The following PARP2 variants were observed in gnomAD, a reference collection of about 807,000 sequenced individuals.
The protein encoded by PARP2 is poly [ADP-ribose] polymerase 2.
In PARP2, 57 loss-of-function variants were observed where a neutral mutation model predicts 77.8. The observed-to-expected ratio is 0.73, with a 90% confidence interval of 0.59 to 0.91. The LOEUF is 0.91. Among genes scored for constraint, PARP2 ranks in the 40% least tolerant of loss-of-function variants. The pLI, the probability that PARP2 is intolerant of heterozygous loss-of-function variation, is 0.00. For synonymous variants in PARP2, 226 were observed against 242.6 expected (o/e 0.93, Z 0.64); for missense variants, 651 against 689.0 (o/e 0.94, Z 0.62).
intron 5 of PARP2, chr14:20,350,827 C>G: frequency 1.7e-6 from 1 of 604,458 alleles, no homozygotes; most frequent in Non-Finnish European, 3.0e-6. Flanking sequence ...CTAAGAGCAG[C>G]CCATTGAGTC....
rs768264959 is a variant in PARP2, at chr14:20,357,082, CT to C, written c.1363del (p.Ser455ProfsTer12). Reference protein sequence around the residue: ...FGKGIYFADMSSKSANYCFAS... With the variant: ...FGKGIYFADMXSKSANYCFAS... ...AAAGGAATCTACTTTGCTGACATGTCTTCCAAGAGTGCCAATTACTGCTTTG... is the reference window on the plus strand; with the variant it reads ...AAAGGAATCTACTTTGCTGACATGTCTCCAAGAGTGCCAATTACTGCTTTG... On this transcript the variant is annotated frameshift_variant, in exon 14 of 16. Transcript: ENST00000429687. LOFTEE classifies it high-confidence loss of function. The C allele has an allele frequency of 1.2e-6, 2 of 1,612,712 alleles. No individual in the cohort carries two copies. Among genetic ancestry groups the C allele is most frequent in the Non-Finnish European group, 1.7e-6 (2 of 1,178,684 alleles).
intron 9 of PARP2, 49 bp downstream of exon 9, chr14:20,354,996 C>T: frequency 1.3e-6 from 2 of 1,495,288 alleles, no homozygotes; most frequent in Non-Finnish European, 1.8e-6. Context: ...TATACATATC[C>T]CCTGTATCCA....
chr14:20,354,377 G>T, intron 8 of PARP2, 130 bp downstream of exon 8: 1 of 765,852 alleles, frequency 1.3e-6, no homozygotes, highest in Admixed American at 2.7e-5. Flanking sequence ...TGGGGTGACA[G>T]GTTGTATGGA....
At chr14:20,350,504 T>C (rs373434682) in intron 4 of PARP2, 22 bp from the exon 5 acceptor site, 540 of 1,382,160 alleles carry the variant, frequency 3.9e-4, no homozygotes, top group Non-Finnish European at 5.1e-4. Flanking sequence ...CTTTTTTTTG[T>C]TTTTGTTTTC....
Position 20,347,354 on chromosome 14 carries a change from GTGTATATATATATATATATATATA to G in PARP2, c.324+443_324+466del, listed in dbSNP as rs1368351685. Among the ~76,000 whole-genome samples the G allele has an allele frequency of 2.7e-3, 119 of 43,948 alleles. 2 individuals carry two copies. Among genetic ancestry groups the G allele is most frequent in the South Asian group, 4.3e-3 (5 of 1,170 alleles). 28.8% of individuals were successfully genotyped at this position (43,948 alleles called of 152,430 possible). A position where few individuals can be genotyped will look rare whatever the true frequency, so the allele number is the denominator to read the frequency against. On this transcript the variant is annotated intron_variant, in intron 4 of 15. Coordinates refer to ENST00000429687, the MANE Select transcript of PARP2 (RefSeq NM_001042618.2). ...TGCCTAAAGTCCTTCATATGTGTGTGTGTATATATATATATATATATATATATATATATATATATATATATTTTT... is the reference window on the plus strand; with the variant it reads ...TGCCTAAAGTCCTTCATATGTGTGTGTATATATATATATATATATATTTTT...
chr14:20,345,861 CAG>C (rs892613424), intron 3 of PARP2, among the ~76,000 whole-genome samples: 7 of 151,366 alleles, frequency 4.6e-5, no homozygotes, highest in Non-Finnish European at 8.8e-5. Context: ...GAGAGAGAGA[CAG>C]AGAGAAAGGG....
intron 11 of PARP2, 59 bp downstream of exon 11, chr14:20,356,090 C>CA: frequency 4.5e-6 from 7 of 1,572,380 alleles, no homozygotes; most frequent in Non-Finnish European, 6.1e-6. Flanking sequence ...TCCCCCATCC[C>CA]ACTGTTCTCT....
chr14:20,352,404 TA>T (rs1883990287), intron 7 of PARP2, 57 bp downstream of exon 7: 1 of 1,141,070 alleles, frequency 8.8e-7, no homozygotes, highest in Non-Finnish European at 1.3e-6. Flanking sequence ...TTTTATTTTT[TA>T]GAGGCAAAAC....
chr14:20,350,443 C>G (rs3093902), intron 4 of PARP2, 83 bp from the exon 5 acceptor site: 158,173 of 664,962 alleles, frequency 0.24, 20,395 homozygotes, highest in South Asian at 0.34. Flanking sequence ...TAACTGGCAC[C>G]TGTGACGAAG....
intron 9 of PARP2, 197 bp downstream of exon 9, chr14:20,355,144 C>T: frequency 2.0e-6 from 1 of 488,142 alleles, no homozygotes; most frequent in South Asian, 3.6e-5. Flanking sequence ...GGCTTGACCA[C>T]AGCCATATTC....
At position 20,355,941 on chromosome 14, in the gene PARP2, G is replaced by A. The variant is rs1884130382; in HGVS notation, c.1011G>A (p.Glu337=). The A allele has an allele frequency of 6.2e-7, 1 of 1,614,132 alleles. No individual in the cohort carries two copies. The highest frequency in any genetic ancestry group is 1.3e-5 in the African/African-American group (1 of 75,036). ...TTGCTATTAAGCTGGTGAAAACAGA[G>A]CTACAAAGCCCAGAACACCCATTGG... is the stretch of plus-strand genomic sequence containing the variant. ...IEIAIKLVKT[E]LQSPEHPLDQ... The change falls in exon 11 of 16, where the codon GAG becomes GAA. Residue 337 remains glutamate (E), a synonymous_variant. Transcript: ENST00000429687.
At chr14:20,357,604 AC>A (rs1402013227) in intron 15 of PARP2, 33 bp from the exon 16 acceptor site, 1 of 1,607,934 alleles carries the variant, frequency 6.2e-7, no homozygotes, top group East Asian at 2.2e-5. Context: ...TGAACCAGAG[AC>A]TGATGTTGAC....
At position 20,356,296 on chromosome 14, in the gene PARP2, A is replaced by G; in HGVS notation, c.1102-11A>G. ...GAGTCTACATCAGCCTTTTTGTCTT[A>G]TTTTTCACAGGTGATTTCCCAGTAC... On this transcript the variant is annotated splice_polypyrimidine_tract_variant and intron_variant, in intron 11 of 15. Coordinates refer to ENST00000429687, the MANE Select transcript of PARP2 (RefSeq NM_001042618.2). 6.2e-7 allele frequency: 1 copy of G among 1,613,482 alleles called. No homozygotes were observed. The highest frequency in any genetic ancestry group is 1.3e-5 in the African/African-American group (1 of 74,908).
Position 20,351,068 on chromosome 14 carries a change from G to A in PARP2, c.443G>A (p.Ser148Asn), listed in dbSNP as rs3093905. The change falls in exon 6 of 16, where the codon AGC (serine) becomes AAC (asparagine). Residue 148 changes from serine (S) to asparagine (N), a missense_variant. Ser to Asn is a conservative substitution (Grantham distance 46). Coordinates refer to ENST00000429687, the MANE Select transcript of PARP2 (RefSeq NM_001042618.2). ...GCAGTTGGGAAAATGGGACAGCACAGCCTGGTGGCTTGTTCAGGCAATCTC... is the reference window on the plus strand; with the variant it reads ...GCAGTTGGGAAAATGGGACAGCACAACCTGGTGGCTTGTTCAGGCAATCTC... ...WGRVGKMGQH[S>N]LVACSGNLNK... The A allele has an allele frequency of 2.2e-3, 3,513 of 1,614,066 alleles. 61 individuals are homozygous for A. In the African/African-American group the frequency reaches 0.041, roughly 19 times the overall value.
intron 4 of PARP2, among the ~76,000 whole-genome samples, chr14:20,348,130 T>C (rs1281591295): frequency 1.3e-5 from 2 of 152,186 alleles, no homozygotes; most frequent in African/African-American, 2.4e-5. Flanking sequence ...TGCCTTGTCC[T>C]CATGAGGCAC....
rs201953130 is a variant in PARP2, at chr14:20,357,743, G to A, written c.1659G>A (p.Gln553=). Residue 553 remains glutamine, a synonymous_variant, in exon 16 of 16, where the codon CAG becomes CAA. Transcript: ENST00000429687. ...YNEYIVYNPN[Q]VRMRYLLKVQ... The stretch of plus-strand genomic sequence containing the variant: ...AATATATTGTATATAACCCCAACCA[G>A]GTCCGTATGCGGTACCTTTTAAAGG... 2 of 1,613,814 alleles carry A rather than the reference G, an allele frequency of 1.2e-6. No individual in the cohort carries two copies. Among genetic ancestry groups the A allele is most frequent in the Non-Finnish European group, 1.7e-6 (2 of 1,179,886 alleles).
chr14:20,350,850 T>C, intron 5 of PARP2, 197 bp from the exon 6 acceptor site: 1 of 610,298 alleles, frequency 1.6e-6, no homozygotes, highest in East Asian at 2.7e-5. Flanking sequence ...AAAACTCTTC[T>C]ATAGTTGAAC....
chr14:20,350,509 G>C lies in PARP2; in HGVS notation c.325-17G>C. 1 of 1,430,470 alleles carries C rather than the reference G, an allele frequency of 7.0e-7. No homozygotes were observed. The highest frequency in any genetic ancestry group is 9.7e-7 in the Non-Finnish European group (1 of 1,033,020). 88.6% of individuals were successfully genotyped at this position (1,430,470 alleles called of 1,614,324 possible). ...TGCAAAACTCCTTTTTTTTGTTTTT[G>C]TTTTCACTCAACATAGACCAATCTC... On this transcript the variant is annotated splice_polypyrimidine_tract_variant and intron_variant, in intron 4 of 15. Transcript: ENST00000429687.
chr14:20,357,172 A>T (rs757481206), intron 14 of PARP2, 23 bp downstream of exon 14: 11 of 1,500,616 alleles, frequency 7.3e-6, no homozygotes, highest in Non-Finnish European at 9.2e-6. Context: ...TATGTCTGTG[A>T]TCTCTAGTTT....
Sources: allele counts gnomAD v4.1 joint callset (sites outside exome capture counted in the v4.1 genomes callset), GRCh38; gene constraint gnomAD v4.1.1; transcripts MANE v1.5; gene names NCBI Gene and HGNC (gene_info 2026-07-23, HGNC 2026-07-21).